The following PACRG variants were observed in gnomAD, a reference collection of about 807,000 sequenced individuals.
PACRG encodes parkin coregulated.
Under a neutral mutation model 29.7 loss-of-function variants are expected in PACRG, and 29 were observed. That is an observed-to-expected ratio of 0.98 (90% CI 0.73 to 1.33). The LOEUF is 1.33. PACRG is among the 40% of genes most tolerant of loss of function. PACRG has a pLI of 0.00. For synonymous variants in PACRG, 116 were observed against 118.7 expected, an observed-to-expected ratio of 0.98 and a Z score of 0.15; for missense variants, 279 against 316.2, an observed-to-expected ratio of 0.88 and a Z score of 0.89.
intron 2 of PACRG, among the ~76,000 whole-genome samples, chr6:162,916,798 A>G (rs569715713): frequency 6.6e-6 from 1 of 151,910 alleles, no homozygotes; most frequent in African/African-American, 2.4e-5. Flanking sequence ...ACAAAGCAAG[A>G]TCTCACAAGA....
intron 2 of PACRG, among the ~76,000 whole-genome samples, chr6:162,947,498 T>C (rs1231418664): frequency 2.5e-5 from 3 of 120,690 alleles, no homozygotes; most frequent in Non-Finnish European, 5.0e-5. Flanking sequence ...TATATACTCA[T>C]ATATATATAA....
At chr6:163,291,505 G>T (rs1189977631) in intron 4 of PACRG, among the ~76,000 whole-genome samples, 1 of 152,234 alleles carries the variant, frequency 6.6e-6, no homozygotes, top group African/African-American at 2.4e-5. Context: ...CCAGAGACCC[G>T]GATGCAACTA....
chr6:163,156,742 T>C (rs887314143), intron 4 of PACRG, among the ~76,000 whole-genome samples: 3 of 152,174 alleles, frequency 2.0e-5, no homozygotes, highest in Admixed American at 2.0e-4. Context: ...CCTGGGGCTC[T>C]GCTGGAAAGC....
chr6:162,852,244 G>T (rs1433224704), intron 2 of PACRG, among the ~76,000 whole-genome samples: 1 of 152,184 alleles, frequency 6.6e-6, no homozygotes, highest in African/African-American at 2.4e-5. Flanking sequence ...CCCAGAACTG[G>T]TGATTGCCTC....
In PACRG at chr6:163,245,051, T is replaced by C. The variant is rs994449997; in HGVS notation, c.614-69776T>C. ...ACCATCATTGTATGTAAAAGTCTAA[T>C]CTTCATTTTAAGTCAGTTTATGCTT... On this transcript the variant is annotated intron_variant, in intron 4 of 4. Transcript: ENST00000366888. 5 of 455,624 alleles carry C rather than the reference T, an allele frequency of 1.1e-5. No individual in the cohort carries two copies. The Admixed American group carries it at 1.2e-4, about 11-fold the overall frequency. 28.2% of individuals were successfully genotyped at this position (455,624 alleles called of 1,614,324 possible). A position where few individuals can be genotyped will look rare whatever the true frequency, so the allele number is the denominator to read the frequency against.
intron 4 of PACRG, among the ~76,000 whole-genome samples, chr6:163,162,144 C>G (rs1447407407): frequency 6.6e-6 from 1 of 152,144 alleles, no homozygotes; most frequent in Non-Finnish European, 1.5e-5. Flanking sequence ...GAAAGTAACC[C>G]GCCAGCTGCC....
At chr6:162,929,724 A>C (rs1176823484) in intron 2 of PACRG, among the ~76,000 whole-genome samples, 1 of 151,960 alleles carries the variant, frequency 6.6e-6, no homozygotes, top group Admixed American at 6.6e-5. Flanking sequence ...CTTAAATTTA[A>C]GCCTCTAATC....
chr6:163,224,366 C>A (rs1781700812), intron 4 of PACRG, among the ~76,000 whole-genome samples: 2 of 25,386 alleles, frequency 7.9e-5, no homozygotes, highest in Admixed American at 6.0e-4. Flanking sequence ...GAGACTCCAT[C>A]TCAAAAAAAA....
rs1584662297 is a variant in PACRG at position 162,887,314 on chromosome 6, C to T, written c.291+73033C>T. On this transcript the variant is annotated intron_variant, in intron 2 of 4. Coordinates refer to ENST00000366888, the MANE Select transcript of PACRG (RefSeq NM_001080379.2). Reference sequence around the variant, plus strand: ...GGTGTGTTCTTTAGCAATGACCAGGCTGAAGCAAGTTCCTCCCAGATAGTT... The same window carrying T: ...GGTGTGTTCTTTAGCAATGACCAGGTTGAAGCAAGTTCCTCCCAGATAGTT... Among the ~76,000 whole-genome samples the T allele has an allele frequency of 1.3e-5, 2 of 152,190 alleles. 1 individual carries two copies. The highest frequency in any genetic ancestry group is 4.1e-4 in the South Asian group (2 of 4,834).
intron 2 of PACRG, among the ~76,000 whole-genome samples, chr6:163,023,653 C>A (rs1455001872): frequency 4.6e-5 from 7 of 152,214 alleles, no homozygotes; most frequent in Non-Finnish European, 1.0e-4. Context: ...AATCTCCAGA[C>A]TGCTTTTCAC....
intron 2 of PACRG, among the ~76,000 whole-genome samples, chr6:162,884,622 T>C (rs1794179578): frequency 6.6e-6 from 1 of 152,208 alleles, no homozygotes; most frequent in African/African-American, 2.4e-5. Context: ...TCATGAATTT[T>C]AGTTACAAGC....
intron 1 of PACRG, among the ~76,000 whole-genome samples, chr6:162,808,600 G>A (rs115931557): frequency 5.2e-4 from 79 of 152,178 alleles, no homozygotes; most frequent in African/African-American, 1.8e-3. Flanking sequence ...GCCACATTCC[G>A]TAAATGTAGG....
chr6:163,267,053 C>T (rs1336803765), intron 4 of PACRG, among the ~76,000 whole-genome samples: 1 of 152,142 alleles, frequency 6.6e-6, no homozygotes, highest in Non-Finnish European at 1.5e-5. Flanking sequence ...TACTAAAGAC[C>T]CCAGGAGCTT....
At position 163,159,897 on chromosome 6, in the gene PACRG, G is replaced by A. The variant is rs74875724; in HGVS notation, c.613+70489G>A. The stretch of plus-strand genomic sequence containing the variant: ...CGATCCTCATTCCGCCTCCACCCCC[G>A]TGACTTCCTCTCCTGCCTCCTTCCA... On this transcript the variant is annotated intron_variant, in intron 4 of 4. Transcript: ENST00000366888. Among the ~76,000 whole-genome samples, 1,116 of 152,058 alleles carry A rather than the reference G, an allele frequency of 7.3e-3. 14 individuals are homozygous for A. Among genetic ancestry groups the A allele is most frequent in the African/African-American group, 0.025 (1,020 of 41,470 alleles).
intron 4 of PACRG, among the ~76,000 whole-genome samples, chr6:163,235,865 A>G (rs1055118928): frequency 6.6e-6 from 1 of 152,170 alleles, no homozygotes; most frequent in African/African-American, 2.4e-5. Context: ...ATTATTGTCA[A>G]ATATTGCTTA....
chr6:162,953,660 G>T (rs1482408014), intron 2 of PACRG, among the ~76,000 whole-genome samples: 4 of 152,052 alleles, frequency 2.6e-5, no homozygotes, highest in Non-Finnish European at 5.9e-5. Context: ...TTGACTGACA[G>T]AGCTTGCTGT....
At chr6:162,959,622 C>T (rs918866275) in intron 2 of PACRG, among the ~76,000 whole-genome samples, 1 of 152,114 alleles carries the variant, frequency 6.6e-6, no homozygotes, top group African/African-American at 2.4e-5. Flanking sequence ...ATAACATGAT[C>T]TGACTTACAT....
At chr6:162,890,786 T>C (rs928205064) in intron 2 of PACRG, among the ~76,000 whole-genome samples, 8 of 152,100 alleles carry the variant, frequency 5.3e-5, no homozygotes, top group Admixed American at 2.0e-4. Context: ...GTGGAAACTG[T>C]TGAAAGCCGT....
intron 2 of PACRG, among the ~76,000 whole-genome samples, chr6:162,835,501 A>G (rs1361663533): frequency 6.6e-6 from 1 of 152,186 alleles, no homozygotes; most frequent in Non-Finnish European, 1.5e-5. Flanking sequence ...AATCACAAAC[A>G]GTAAATTGGA....
Sources: gnomAD v4.1 joint callset for allele counts (sites outside exome capture counted in the v4.1 genomes callset) on GRCh38, gnomAD v4.1.1 for gene constraint, MANE v1.5 for transcripts, NCBI Gene and HGNC (gene_info 2026-07-23, HGNC 2026-07-21) for gene names.